The following RAP1GAP2 variants were observed in gnomAD, a reference collection of about 807,000 sequenced individuals.
The protein encoded by RAP1GAP2 is rap1 GTPase-activating protein 2.
In RAP1GAP2, 27 loss-of-function variants were observed where a neutral mutation model predicts 95.0. That is an observed-to-expected ratio of 0.28 (90% confidence interval 0.21 to 0.39). The LOEUF (loss-of-function observed/expected upper bound fraction) is 0.39. RAP1GAP2 is among the 10% of genes least tolerant of loss of function. The pLI is 1.00. For missense variants in RAP1GAP2, 771 were observed against 970.0 expected, an observed-to-expected ratio of 0.79 and a Z score of 2.72; for synonymous variants, 373 against 380.9, an observed-to-expected ratio of 0.98 and a Z score of 0.24.
chr17:2,980,218 C>G, intron 8 of RAP1GAP2, 69 bp from the exon 9 acceptor site: 2 of 1,478,470 alleles, frequency 1.4e-6, no homozygotes, highest in South Asian at 1.2e-5. Flanking sequence ...GCTGAGATGA[C>G]AGGCACGAGT....
intron 2 of RAP1GAP2, among the ~76,000 whole-genome samples, chr17:2,771,562 T>C (rs980524296): frequency 6.6e-6 from 1 of 151,462 alleles, no homozygotes; most frequent in African/African-American, 2.4e-5. Flanking sequence ...GGCACGATCT[T>C]GGCTCACTGC....
At chr17:2,954,294 C>T (rs1039636826) in intron 3 of RAP1GAP2, among the ~76,000 whole-genome samples, 2 of 151,864 alleles carry the variant, frequency 1.3e-5, no homozygotes, top group Admixed American at 6.5e-5. Context: ...TTAGTAGAGA[C>T]GGGGTTTCAC....
chr17:2,964,282 A>T, intron 7 of RAP1GAP2: 1 of 63,578 alleles, frequency 1.6e-5, no homozygotes, highest in East Asian at 5.7e-4. Context: ...GCTGTGGGAG[A>T]GGAGCTGCGG....
chr17:2,979,788 C>T (rs1363049501), intron 8 of RAP1GAP2, among the ~76,000 whole-genome samples: 5 of 151,998 alleles, frequency 3.3e-5, no homozygotes, highest in African/African-American at 7.2e-5. Context: ...AAGTAGCCAC[C>T]TCCCCAGCAT....
chr17:2,914,259 C>G (rs57418743), intron 3 of RAP1GAP2, among the ~76,000 whole-genome samples: 13,498 of 152,146 alleles, frequency 0.089, 1,257 homozygotes, highest in East Asian at 0.3. Flanking sequence ...TTTGAGTTCT[C>G]GCTGCTCTGC....
chr17:3,025,071 CTAT>C (rs371156679), intron 19 of RAP1GAP2, among the ~76,000 whole-genome samples: 2 of 150,862 alleles, frequency 1.3e-5, no homozygotes, highest in African/African-American at 4.9e-5. Context: ...CTCAAGAACA[CTAT>C]TATTTAAAAA....
chr17:2,889,891 T>TA (rs1490272485), intron 2 of RAP1GAP2, among the ~76,000 whole-genome samples: 240 of 46,634 alleles, frequency 5.1e-3, no homozygotes, highest in East Asian at 0.029. Context: ...ATATATATAT[T>TA]TTTTTTTTTT....
chr17:2,849,559 T>TCTGTTCATGATTAACTTCG (rs1463536070), intron 2 of RAP1GAP2, among the ~76,000 whole-genome samples: 1 of 152,186 alleles, frequency 6.6e-6, no homozygotes, highest in African/African-American at 2.4e-5. Flanking sequence ...CTGTCTGCGC[T>TCTGTTCATGATTAACTTCG]CTGTTCATGA....
At chr17:2,840,308 C>T (rs886633435) in intron 2 of RAP1GAP2, among the ~76,000 whole-genome samples, 2 of 151,834 alleles carry the variant, frequency 1.3e-5, no homozygotes, top group African/African-American at 2.4e-5. Flanking sequence ...GGATTACAGG[C>T]GCCCACCACA....
chr17:3,021,962 T>C (rs879360440), intron 19 of RAP1GAP2, among the ~76,000 whole-genome samples: 6 of 152,254 alleles, frequency 3.9e-5, no homozygotes, highest in Non-Finnish European at 5.9e-5. Context: ...TGCAGACCTC[T>C]TCCATGTACT....
intron 11 of RAP1GAP2, 67 bp from the exon 12 acceptor site, chr17:2,991,230 A>G (rs1426560572): frequency 1.6e-6 from 2 of 1,289,318 alleles, no homozygotes; most frequent in Non-Finnish European, 2.2e-6. Flanking sequence ...CTGGGCATCC[A>G]TATTCCTTCC....
rs192829818 is a variant in RAP1GAP2, at chr17:2,902,774, C to G, written c.81-2510C>G. The stretch of plus-strand genomic sequence containing the variant: ...AGCTTATCCAGTGTCCAGTAGAGAC[C>G]GGCCCCAGGAGCTTATCCAGCATCC... On this transcript the variant is annotated intron_variant, in intron 2 of 24. Coordinates refer to ENST00000254695, the MANE Select transcript of RAP1GAP2 (RefSeq NM_015085.5). This position sits in a 1 kb window ranked among gnomAD's most constrained non-coding sequence, Gnocchi z 4.1. 6.6e-6 allele frequency among the ~76,000 whole-genome samples: 1 copy of G among 152,080 alleles called. No homozygotes were observed. Among genetic ancestry groups the G allele is most frequent in the Non-Finnish European group, 1.5e-5 (1 of 68,008 alleles).
At chr17:2,758,234 G>A (rs960974668) in intron 1 of RAP1GAP2, among the ~76,000 whole-genome samples, 1 of 144,254 alleles carries the variant, frequency 6.9e-6, no homozygotes, top group African/African-American at 2.6e-5. Flanking sequence ...GGAGTGCAGT[G>A]GTGTGATCTT....
At position 2,827,423 on chromosome 17, in the gene RAP1GAP2, G is replaced by A. The variant is rs2070619653; in HGVS notation, c.80+26873G>A. Reference sequence around the variant, plus strand: ...TTCAGACAGTGCCCAGTCCTGCGAAGGAAATAGAACAGTGAGGCGATGAGG... The same window carrying A: ...TTCAGACAGTGCCCAGTCCTGCGAAAGAAATAGAACAGTGAGGCGATGAGG... On this transcript the variant is annotated intron_variant, in intron 2 of 24. Coordinates refer to ENST00000254695, the MANE Select transcript of RAP1GAP2 (RefSeq NM_015085.5). This position sits in a 1 kb window ranked among gnomAD's most constrained non-coding sequence, Gnocchi z 4.1. Among the ~76,000 whole-genome samples the A allele has an allele frequency of 6.6e-6, 1 of 152,124 alleles. No individual in the cohort carries two copies. Among genetic ancestry groups the A allele is most frequent in the African/African-American group, 2.4e-5 (1 of 41,436 alleles).
intron 20 of RAP1GAP2, 39 bp downstream of exon 20, chr17:3,026,160 G>A (rs1478657834): frequency 8.0e-6 from 12 of 1,506,956 alleles, no homozygotes; most frequent in African/African-American, 4.1e-5. Context: ...CTTCGGCCAC[G>A]TGGAGCCCTG....
intron 2 of RAP1GAP2, among the ~76,000 whole-genome samples, chr17:2,856,854 A>G (rs547854762): frequency 9.8e-5 from 15 of 152,344 alleles, no homozygotes; most frequent in African/African-American, 3.1e-4. Flanking sequence ...GGCTTTGGCC[A>G]TGGACTTAAC....
Position 2,980,308 on chromosome 17 carries a change from T to C in RAP1GAP2, c.618T>C (p.His206=). The C allele has an allele frequency of 1.2e-6, 2 of 1,613,868 alleles. No individual in the cohort carries two copies. Among genetic ancestry groups the C allele is most frequent in the Non-Finnish European group, 1.7e-6 (2 of 1,179,856 alleles). ...VILRSKLKTV[H]ERIPLAGLSK... is the part of the protein sequence containing the mutation. ...GCAGGTCCAAACTGAAGACGGTACA[T>C]GAGCGGATCCCCTTGGCTGGACTGA... The change falls in exon 9 of 25, where the codon CAT becomes CAC. Residue 206 remains histidine (H), a synonymous_variant. Transcript: ENST00000254695.
Position 2,827,328 on chromosome 17 carries a change from AC to A in RAP1GAP2, c.80+26781del, listed in dbSNP as rs1318990959. 6.6e-6 allele frequency among the ~76,000 whole-genome samples: 1 copy of A among 152,034 alleles called. No individual in the cohort carries two copies. The highest frequency in any genetic ancestry group is 1.5e-5 in the Non-Finnish European group (1 of 68,010). On this transcript the variant is annotated intron_variant, in intron 2 of 24. Transcript: ENST00000254695. This position sits in a 1 kb window ranked among gnomAD's most constrained non-coding sequence, Gnocchi z 4.1. Reference sequence around the variant, plus strand: ...AGTCCTACAAAAGTGGACAATTCAGACCCTGTTGGGTTTTGTGGCACTTTCT... The same window carrying A: ...AGTCCTACAAAAGTGGACAATTCAGACCTGTTGGGTTTTGTGGCACTTTCT...
In RAP1GAP2 at chr17:2,963,009, G is replaced by A. The variant is rs919046180; in HGVS notation, c.246+295G>A. On this transcript the variant is annotated intron_variant, in intron 5 of 24. Transcript: ENST00000254695. The surrounding 1 kb of genome is among the most constrained non-coding windows in gnomAD (Gnocchi z 4.8). ...TTCCCTACCCTGTGCAGTGTGTAAG[G>A]GTGTCAGGCTCTGTGCCCCGGGTTC... The A allele has an allele frequency of 4.1e-5, 22 of 539,488 alleles. No individual in the cohort carries two copies. The highest frequency in any genetic ancestry group is 4.8e-5 in the South Asian group (2 of 41,848). 33.4% of individuals were successfully genotyped at this position (539,488 alleles called of 1,614,324 possible). A position where few individuals can be genotyped will look rare whatever the true frequency, so the allele number is the denominator to read the frequency against.
Sources: gnomAD v4.1 joint callset for allele counts (sites outside exome capture counted in the v4.1 genomes callset) on GRCh38, gnomAD v4.1.1 for gene constraint, Gnocchi (gnomAD v3.1) non-coding constraint, MANE v1.5 for transcripts, NCBI Gene and HGNC (gene_info 2026-07-23, HGNC 2026-07-21) for gene names.